The following HAUS7 variants were observed in gnomAD, a reference collection of about 807,000 sequenced individuals.
HAUS7 encodes HAUS augmin-like complex subunit 7.
In HAUS7, 3 loss-of-function variants were observed where a neutral mutation model predicts 28.4. The ratio of observed to expected loss-of-function variants is 0.11; its 90% CI spans 0.05 to 0.27. The LOEUF is 0.27. Among genes scored for constraint, HAUS7 ranks in the 10% least tolerant of loss-of-function variants. The pLI is 1.00. For synonymous variants in HAUS7, 165 were observed against 132.1 expected, an observed-to-expected ratio of 1.25 and a Z score of -1.71; for missense variants, 284 against 297.3, an observed-to-expected ratio of 0.96 and a Z score of 0.33.
intron 1 of HAUS7, among the ~76,000 whole-genome samples, chrX:153,489,885 G>A (rs1005651879): frequency 6.3e-5 from 7 of 111,544 alleles, no homozygotes; most frequent in Non-Finnish European, 9.4e-5. Flanking sequence ...CAAGCATCTC[G>A]CCTACTGTGC....
intron 1 of HAUS7, among the ~76,000 whole-genome samples, chrX:153,487,426 C>T (rs1199352684): frequency 4.5e-5 from 5 of 112,231 alleles, no homozygotes; most frequent in African/African-American, 1.3e-4. Context: ...GGGCTGGTGA[C>T]CACCGCACAG....
intron 9 of HAUS7, among the ~76,000 whole-genome samples, chrX:153,448,418 T>C (rs1329179744): frequency 5.2e-5 from 5 of 96,376 alleles, no homozygotes; most frequent in Admixed American, 4.5e-4. Context: ...GGAGGAGGGA[T>C]AGCATTAGGA....
intron 1 of HAUS7, chrX:153,485,714 C>T (rs2089631918): frequency 5.3e-6 from 4 of 751,766 alleles, no homozygotes; most frequent in Middle Eastern, 8.1e-4. Flanking sequence ...CTGGAACTCC[C>T]CTCTAGGAGT....
intron 1 of HAUS7, among the ~76,000 whole-genome samples, chrX:153,469,616 C>T (rs1006592750): frequency 4.4e-5 from 5 of 113,114 alleles, no homozygotes; most frequent in Non-Finnish European, 9.4e-5. Context: ...CGTGGGCCGC[C>T]GCGCCCAGTC....
intron 1 of HAUS7, among the ~76,000 whole-genome samples, chrX:153,490,698 G>A (rs909788575): frequency 8.9e-5 from 10 of 112,805 alleles, no homozygotes; most frequent in South Asian, 3.6e-4. Context: ...ACTTGGGGCC[G>A]CTCTTGCTCA....
At chrX:153,466,818 G>C (rs1041390013) in intron 2 of HAUS7, among the ~76,000 whole-genome samples, 2 of 112,386 alleles carry the variant, frequency 1.8e-5, no homozygotes, top group African/African-American at 6.5e-5. Context: ...TAAACTTTCT[G>C]ATCGCCGATA....
Position 153,462,597 on chromosome X carries a change from G to C in HAUS7, c.354+13C>G. 1 of 1,167,141 alleles carries C rather than the reference G, an allele frequency of 8.6e-7. No homozygotes were observed. Among genetic ancestry groups the C allele is most frequent in the East Asian group, 3.0e-5 (1 of 33,687 alleles). On this transcript the variant is annotated intron_variant, in intron 4 of 9. Transcript: ENST00000370211. ...GTGCGTGCCGTCTGCAGAGCAGACA[G>C]AGGCCCTCTTACCTTGAGGAGCTCC... is the stretch of plus-strand genomic sequence containing the variant.
At chrX:153,493,906 C>T (rs999853717) in intron 1 of HAUS7, among the ~76,000 whole-genome samples, 5 of 112,535 alleles carry the variant, frequency 4.4e-5, no homozygotes, top group African/African-American at 1.6e-4. Flanking sequence ...CTAGCCACCC[C>T]TCTCTCCCTC....
At chrX:153,456,213 A>G in intron 7 of HAUS7, 52 bp downstream of exon 7, 1 of 990,444 alleles carries the variant, frequency 1.0e-6, no homozygotes, top group African/African-American at 1.9e-5. Context: ...GGGAGGTGAC[A>G]AAGCAGGGCC....
chrX:153,471,066 G>A, upstream of HAUS7: 1 of 313,699 alleles, frequency 3.2e-6, no homozygotes, highest in Non-Finnish European at 6.4e-6. Context: ...ACCAAGGGGA[G>A]CCTTGGGTGC....
chrX:153,465,256 G>A (rs985598594), intron 2 of HAUS7, among the ~76,000 whole-genome samples: 4 of 105,863 alleles, frequency 3.8e-5, no homozygotes, highest in South Asian at 4.2e-4. Context: ...AGTTTACCTC[G>A]GAAATCTGGA....
chrX:153,478,391 C>A (rs1489081285), intron 1 of HAUS7, among the ~76,000 whole-genome samples: 2 of 112,303 alleles, frequency 1.8e-5, no homozygotes, highest in Non-Finnish European at 3.8e-5. Flanking sequence ...GTCCCCTCAT[C>A]GAGCCCAGCC....
In HAUS7 at chrX:153,481,194, A is replaced by G. The variant is rs782415863; in HGVS notation, c.-588-10049T>C. Among the ~76,000 whole-genome samples, 6 of 112,628 alleles carry G rather than the reference A, an allele frequency of 5.3e-5. No individual in the cohort carries two copies. The East Asian group carries it at 1.7e-3, about 32-fold the overall frequency. On this transcript the variant is annotated intron_variant, in intron 1 of 5. Coordinates refer to the HAUS7 transcript ENST00000370210. ...TCCCCTCCCCAGCCTCAGAGCCCCC[A>G]TTTGGGCCTTTGCCCTTGGTGCCAA...
In HAUS7 at chrX:153,447,804, C is replaced by T. The variant is rs1270631262; in HGVS notation, c.*74G>A. ...TGCTGCCACAATCATCCATCCTCGG[C>T]CAACTCGATCTTGGGAGAGGGCTTC... On this transcript the variant is annotated 3_prime_UTR_variant, in exon 10 of 10. Transcript: ENST00000370211. 2.3e-6 allele frequency: 2 copies of T among 866,201 alleles called. No individual in the cohort carries two copies. Among genetic ancestry groups the T allele is most frequent in the African/African-American group, 2.0e-5 (1 of 51,134 alleles). The allele number at this position is 866,201 out of a possible 1,213,427, so 71.4% of individuals were successfully genotyped here.
intron 1 of HAUS7, among the ~76,000 whole-genome samples, chrX:153,494,360 C>T (rs782327921): frequency 8.9e-5 from 10 of 112,591 alleles, no homozygotes; most frequent in Admixed American, 1.9e-4. Flanking sequence ...CGTCCTGCCA[C>T]CACCAGCCGG....
intron 9 of HAUS7, among the ~76,000 whole-genome samples, 185 bp from the exon 10 acceptor site, chrX:153,448,094 G>GT (rs1667273160): frequency 9.1e-6 from 1 of 109,809 alleles, no homozygotes; most frequent in Non-Finnish European, 1.9e-5. Context: ...ACATGCACAC[G>GT]TATGTTTATT....
In HAUS7 at chrX:153,447,901, T is replaced by A; in HGVS notation, c.1054A>T (p.Met352Leu). ...SSSVMSLATK[M>L]NELMEK The stretch of plus-strand genomic sequence containing the variant: ...TTCTATTTCTCCATTAGTTCATTCA[T>A]CTTGGTAGCTGCAGAGGAAAGAAAA... Residue 352 changes from methionine to leucine, a missense_variant, in exon 10 of 10, where the codon ATG (methionine) becomes TTG (leucine). By Grantham distance (15) the Met-to-Leu change is conservative. Coordinates refer to ENST00000370211, the MANE Select transcript of HAUS7 (RefSeq NM_001385482.1). 3.3e-6 allele frequency: 4 copies of A among 1,199,562 alleles called. No homozygotes were observed. Among genetic ancestry groups the A allele is most frequent in the South Asian group, 1.8e-5 (1 of 56,750 alleles).
At chrX:153,448,767 G>A (rs1258564484) in intron 9 of HAUS7, among the ~76,000 whole-genome samples, 2 of 111,278 alleles carry the variant, frequency 1.8e-5, no homozygotes, top group Non-Finnish European at 3.8e-5. Context: ...TGGGGACCAG[G>A]CCAGCAGCTT....
chrX:153,480,809 G>T (rs2089594893), intron 1 of HAUS7: 4 of 755,145 alleles, frequency 5.3e-6, no homozygotes, highest in Middle Eastern at 7.6e-4. Context: ...TGGTCGCTGA[G>T]TGGGCTCAGC....
Sources: gnomAD v4.1 joint callset for allele counts (sites outside exome capture counted in the v4.1 genomes callset) on GRCh38, gnomAD v4.1.1 for gene constraint, MANE v1.5 for transcripts, NCBI Gene and HGNC (gene_info 2026-07-23, HGNC 2026-07-21) for gene names.